Variants in ITPK1 observed in about 807,000 individuals in gnomAD.
The protein encoded by ITPK1 is inositol-tetrakisphosphate 1-kinase.
Under a neutral mutation model 45.3 loss-of-function variants are expected in ITPK1, and 21 were observed. That is an observed-to-expected ratio of 0.46 (90% CI 0.33 to 0.67). The LOEUF is 0.67. Ranked by LOEUF, ITPK1 falls within the 30% of genes least tolerant of loss-of-function variation. The pLI, the probability that ITPK1 is intolerant of heterozygous loss-of-function variation, is 0.02. For missense variants in ITPK1, 474 were observed against 573.5 expected, an observed-to-expected ratio of 0.83 and a Z score of 1.77; for synonymous variants, 258 against 253.6, an observed-to-expected ratio of 1.02 and a Z score of -0.16.
intron 3 of ITPK1, among the ~76,000 whole-genome samples, chr14:93,023,779 C>T (rs528741727): frequency 6.6e-6 from 1 of 152,230 alleles, no homozygotes; most frequent in South Asian, 2.1e-4. Flanking sequence ...CCCTTAGGAG[C>T]AAAAGGCAGG....
chr14:93,070,018 G>A (rs1890925419), intron 3 of ITPK1: 1 of 152,248 alleles, frequency 6.6e-6, no homozygotes, highest in African/African-American at 2.4e-5. Context: ...CTCAAGGAAT[G>A]TGGATGGAGG....
At chr14:93,055,928 G>T (rs1890199050) in intron 3 of ITPK1, among the ~76,000 whole-genome samples, 1 of 152,224 alleles carries the variant, frequency 6.6e-6, no homozygotes, top group Non-Finnish European at 1.5e-5. Context: ...GGGAGGAGCA[G>T]CCGGGGCACC....
chr14:93,086,545 C>T (rs1405548668), intron 2 of ITPK1, among the ~76,000 whole-genome samples: 1 of 152,254 alleles, frequency 6.6e-6, no homozygotes, highest in Non-Finnish European at 1.5e-5. Context: ...GGACCCCAGA[C>T]CGCAAACCCT....
intron 5 of ITPK1, among the ~76,000 whole-genome samples, chr14:92,987,395 T>C (rs892242033): frequency 6.6e-6 from 1 of 152,122 alleles, no homozygotes; most frequent in Non-Finnish European, 1.5e-5. Context: ...CTGCCTCAAC[T>C]GAGAGCCCGG....
At chr14:92,979,738 C>G (rs1293879356) in intron 5 of ITPK1, among the ~76,000 whole-genome samples, 1 of 152,110 alleles carries the variant, frequency 6.6e-6, no homozygotes, top group East Asian at 1.9e-4. Flanking sequence ...TTTTGTACAG[C>G]CTGCAAAACC....
chr14:93,025,444 C>T (rs1353974022), intron 3 of ITPK1, among the ~76,000 whole-genome samples: 3 of 152,172 alleles, frequency 2.0e-5, no homozygotes, highest in Non-Finnish European at 4.4e-5. Flanking sequence ...AATCAGCCCA[C>T]GGTTTTCTCA....
chr14:93,095,144 C>A (rs951617905), intron 2 of ITPK1, among the ~76,000 whole-genome samples: 3 of 152,174 alleles, frequency 2.0e-5, no homozygotes, highest in Non-Finnish European at 4.4e-5. Context: ...GGTGCTCCAG[C>A]ACCCCGCATG....
chr14:92,938,619 G>C lies in ITPK1; in HGVS notation c.*2942C>G. On this transcript the variant is annotated 3_prime_UTR_variant, in exon 11 of 11. Coordinates refer to ENST00000267615, the MANE Select transcript of ITPK1 (RefSeq NM_014216.6). ...AGGCCCAGGCACAGGAAGCCCCATG[G>C]AACCTGCCAGGTTGCAGCTGGGTCC... 1.9e-6 allele frequency: 2 copies of C among 1,055,928 alleles called. No homozygotes were observed. The highest frequency in any genetic ancestry group is 2.9e-6 in the Non-Finnish European group (2 of 689,438). The allele number at this position is 1,055,928 out of a possible 1,614,324, so 65.4% of individuals were successfully genotyped here.
At chr14:93,059,401 GGTATGGGTCTCGA>G (rs1890402701) in intron 3 of ITPK1, among the ~76,000 whole-genome samples, 1 of 53,534 alleles carries the variant, frequency 1.9e-5, no homozygotes, top group Non-Finnish European at 3.8e-5. Context: ...GGGTGGAGGT[GGTATGGGTCTCGA>G]GGCGGGGGCG....
Position 93,017,955 on chromosome 14 carries a change from T to C in ITPK1, c.121-1154A>G, listed in dbSNP as rs181841574. Among the ~76,000 whole-genome samples, 67 of 152,328 alleles carry C rather than the reference T, an allele frequency of 4.4e-4. 1 individual carries two copies. The East Asian group carries it at 0.013, about 29-fold the overall frequency. On this transcript the variant is annotated intron_variant, in intron 3 of 10. Coordinates refer to ENST00000267615, the MANE Select transcript of ITPK1 (RefSeq NM_014216.6). The stretch of plus-strand genomic sequence containing the variant: ...AGACTTTTAAAACCTGCCTAGGGTC[T>C]CACAGCAGGAAGGCGGTGAAGTGGG...
intron 2 of ITPK1, among the ~76,000 whole-genome samples, chr14:93,091,568 C>T (rs1218555027): frequency 2.0e-5 from 3 of 152,252 alleles, no homozygotes; most frequent in South Asian, 2.1e-4. Context: ...GTGCCTCCTA[C>T]GCCGAGTGCT....
intron 2 of ITPK1, among the ~76,000 whole-genome samples, chr14:93,108,485 T>G (rs1892613187): frequency 6.6e-6 from 1 of 152,190 alleles, no homozygotes; most frequent in Non-Finnish European, 1.5e-5. Context: ...TTAGAAACAT[T>G]GATGCCCATC....
Position 92,962,336 on chromosome 14 carries a change from C to T in ITPK1, c.504+19G>A. On this transcript the variant is annotated intron_variant, in intron 7 of 10. Coordinates refer to ENST00000267615, the MANE Select transcript of ITPK1 (RefSeq NM_014216.6). ...AAGGATGGGGGTCAGGGACAACAGT[C>T]AGATCTTCTTCCACTCACCTCGTGA... is the stretch of plus-strand genomic sequence containing the variant. The T allele has an allele frequency of 6.3e-7, 1 of 1,589,378 alleles. No individual in the cohort carries two copies. The highest frequency in any genetic ancestry group is 8.6e-7 in the Non-Finnish European group (1 of 1,157,466).
intron 2 of ITPK1, among the ~76,000 whole-genome samples, chr14:93,093,645 T>C (rs1214897455): frequency 6.6e-6 from 1 of 152,206 alleles, no homozygotes; most frequent in Middle Eastern, 3.2e-3. Flanking sequence ...GTGGCGATGC[T>C]GAGGAACCAG....
At chr14:93,044,997 G>A (rs766002040) in intron 3 of ITPK1, among the ~76,000 whole-genome samples, 6 of 152,208 alleles carry the variant, frequency 3.9e-5, no homozygotes, top group Admixed American at 1.3e-4. Context: ...AGGAAGAAAG[G>A]GGCATTTAAG....
chr14:92,994,803 G>A (rs532276031), intron 4 of ITPK1, among the ~76,000 whole-genome samples: 25 of 152,290 alleles, frequency 1.6e-4, no homozygotes, highest in African/African-American at 4.3e-4. Flanking sequence ...CAGCTGCTGC[G>A]GGTTGAATTG....
chr14:92,951,124 C>T (rs1045989610), intron 9 of ITPK1, among the ~76,000 whole-genome samples: 8 of 152,244 alleles, frequency 5.3e-5, no homozygotes, highest in African/African-American at 1.7e-4. Context: ...CAAAGCCCCC[C>T]AGAAGAGCAG....
intron 5 of ITPK1, among the ~76,000 whole-genome samples, chr14:92,981,095 A>T (rs561461083): frequency 6.6e-6 from 1 of 152,244 alleles, no homozygotes; most frequent in South Asian, 2.1e-4. Flanking sequence ...GAGCTGGCAC[A>T]CAGATTGTGG....
intron 2 of ITPK1, among the ~76,000 whole-genome samples, chr14:93,103,270 T>G (rs1231434637): frequency 2.0e-5 from 3 of 151,188 alleles, no homozygotes; most frequent in Admixed American, 2.0e-4. Context: ...AATACAAAAA[T>G]TAGCCGGGCG....
Sources: allele counts gnomAD v4.1 joint callset (sites outside exome capture counted in the v4.1 genomes callset), GRCh38; gene constraint gnomAD v4.1.1; transcripts MANE v1.5; gene names NCBI Gene and HGNC (gene_info 2026-07-23, HGNC 2026-07-21).